Variants in BLM observed in about 807,000 individuals in gnomAD.
BLM encodes the protein BLM RecQ like helicase, also known as recQ-like DNA helicase BLM.
In BLM, 95 loss-of-function variants were observed where a neutral mutation model predicts 135.3. The ratio of observed to expected loss-of-function variants is 0.70; its 90% CI spans 0.59 to 0.83. The LOEUF (loss-of-function observed/expected upper bound fraction) is 0.83, where lower values mean the gene tolerates loss of function less well. Among genes scored for constraint, BLM ranks in the 40% least tolerant of loss-of-function variants. The pLI, the probability that BLM is intolerant of heterozygous loss-of-function variation, is 0.00. For synonymous variants in BLM, 520 were observed against 589.2 expected (o/e 0.88, Z 1.70); for missense variants, 1,518 against 1,663.9 (o/e 0.91, Z 1.53).
chr15:90,769,410 GA>G (rs1896233793), intron 11 of BLM, 27 bp from the exon 12 acceptor site: 1 of 1,613,638 alleles, frequency 6.2e-7, no homozygotes, highest in South Asian at 1.1e-5. Context: ...CAAGTAGTCT[GA>G]AAAGCAGTAT....
At chr15:90,764,180 C>G (rs2518968) in intron 8 of BLM, among the ~76,000 whole-genome samples, 77,671 of 149,464 alleles carry the variant, frequency 0.52, 20,467 homozygotes, top group Non-Finnish European at 0.55. Context: ...GGTTTCAAGA[C>G]GGCATTTTTA....
At chr15:90,739,376 G>A (rs111315049) in intron 1 of BLM, among the ~76,000 whole-genome samples, 1 of 152,078 alleles carries the variant, frequency 6.6e-6, no homozygotes, top group Admixed American at 6.6e-5. Context: ...ACCCCAGCCT[G>A]GGCAACAGAG....
In BLM at chr15:90,734,093, C is replaced by A. The variant is rs192734290; in HGVS notation, c.-4-13296C>A. On this transcript the variant is annotated intron_variant, in intron 1 of 21. Coordinates refer to ENST00000355112, the MANE Select transcript of BLM (RefSeq NM_000057.4). ...CAGAATCCAGCACTCTATTACAAAA[C>A]TATTAGCTCATCACCAAGATGTATA... 9.0e-4 allele frequency among the ~76,000 whole-genome samples: 137 copies of A among 152,138 alleles called. 2 individuals carry two copies. Among genetic ancestry groups the A allele is most frequent in the African/African-American group, 3.0e-3 (123 of 41,492 alleles).
At chr15:90,802,140 C>A (rs899109417) in intron 17 of BLM, among the ~76,000 whole-genome samples, 1 of 152,162 alleles carries the variant, frequency 6.6e-6, no homozygotes, top group Admixed American at 6.5e-5. Context: ...CTATCATTAG[C>A]AGAACGGTAG....
In BLM at chr15:90,747,857, G is replaced by C. The variant is rs28384978; in HGVS notation, c.98+367G>C. ...GAGTCTCGCTCTGTCGCACAGGCTG[G>C]AGTGCAGTGGCGCGATCTTGGCTCA... On this transcript the variant is annotated intron_variant, in intron 2 of 21. Transcript: ENST00000355112. Among the ~76,000 whole-genome samples, 428 of 152,322 alleles carry C rather than the reference G, an allele frequency of 2.8e-3. 10 individuals carry two copies. The East Asian group carries it at 0.041, about 15-fold the overall frequency.
At chr15:90,781,763 C>T (rs980839662) in intron 12 of BLM, among the ~76,000 whole-genome samples, 1 of 152,122 alleles carries the variant, frequency 6.6e-6, no homozygotes, top group Non-Finnish European at 1.5e-5. Flanking sequence ...GCATGTGGCC[C>T]GTGGGCTGCG....
intron 9 of BLM, 114 bp downstream of exon 9, chr15:90,765,528 T>A: frequency 1.2e-6 from 1 of 864,670 alleles, no homozygotes; most frequent in Non-Finnish European, 1.8e-6. Context: ...GCACAGCAGT[T>A]AAATTTGCAG....
chr15:90,722,391 G>T (rs1250481193), intron 1 of BLM, among the ~76,000 whole-genome samples: 1 of 152,120 alleles, frequency 6.6e-6, no homozygotes, highest in Non-Finnish European at 1.5e-5. Context: ...TTACAGGCAT[G>T]AGCCGCCGTG....
chr15:90,801,521 A>G (rs1397662835), intron 17 of BLM, among the ~76,000 whole-genome samples: 3 of 152,180 alleles, frequency 2.0e-5, no homozygotes, highest in Non-Finnish European at 2.9e-5. Flanking sequence ...ACAGTATCAT[A>G]TAACTAGCAA....
chr15:90,778,935 G>A (rs1896549763), intron 12 of BLM, among the ~76,000 whole-genome samples: 1 of 146,134 alleles, frequency 6.8e-6, no homozygotes, highest in Non-Finnish European at 1.5e-5. Context: ...GCCCAGGCTG[G>A]AGTGCAGTGG....
chr15:90,767,391 C>G (rs998716455), intron 10 of BLM, among the ~76,000 whole-genome samples: 10 of 152,134 alleles, frequency 6.6e-5, no homozygotes, highest in Non-Finnish European at 1.5e-4. Flanking sequence ...CTAGTTGTCC[C>G]AATAATGTCC....
intron 1 of BLM, among the ~76,000 whole-genome samples, chr15:90,734,433 G>A (rs374550588): frequency 7.3e-5 from 11 of 151,678 alleles, no homozygotes; most frequent in East Asian, 5.8e-4. Context: ...GATTACAGGC[G>A]CCCACCACCA....
intron 1 of BLM, among the ~76,000 whole-genome samples, chr15:90,732,409 G>T (rs1414600051): frequency 1.3e-5 from 2 of 151,648 alleles, no homozygotes. Flanking sequence ...TCATAAAGTA[G>T]AAATATTATA....
chr15:90,724,059 C>A (rs1253157252), intron 1 of BLM, among the ~76,000 whole-genome samples: 1 of 151,998 alleles, frequency 6.6e-6, no homozygotes, highest in Non-Finnish European at 1.5e-5. Flanking sequence ...GCTATCCAGG[C>A]TGGAGTGCAG....
intron 19 of BLM, 136 bp downstream of exon 19, chr15:90,804,495 G>A (rs1596268435): frequency 6.1e-6 from 6 of 976,662 alleles, no homozygotes; most frequent in Non-Finnish European, 7.9e-6. Context: ...ACGGGGTCTC[G>A]CTGTGTCACC....
At chr15:90,763,308 T>G (rs1567042381) in intron 8 of BLM, 151 bp downstream of exon 8, 1 of 811,694 alleles carries the variant, frequency 1.2e-6, no homozygotes, top group Non-Finnish European at 2.0e-6. Flanking sequence ...GCATATTACT[T>G]TATATCCTTT....
intron 14 of BLM, among the ~76,000 whole-genome samples, chr15:90,789,999 T>TG (rs1567056158): frequency 6.3e-4 from 60 of 95,714 alleles, no homozygotes; most frequent in African/African-American, 3.3e-3. Flanking sequence ...TTTTTTTTTT[T>TG]TTTTTTTTTT....
intron 19 of BLM, among the ~76,000 whole-genome samples, chr15:90,807,607 CA>C (rs1284637605): frequency 1.3e-5 from 2 of 152,194 alleles, no homozygotes; most frequent in East Asian, 3.9e-4. Context: ...CACTGTTACC[CA>C]GACTGGTCTC....
Position 90,803,574 on chromosome 15 carries a change from T to A in BLM, c.3412T>A (p.Ser1138Thr). The A allele has an allele frequency of 6.2e-7, 1 of 1,613,992 alleles. No homozygotes were observed. The highest frequency in any genetic ancestry group is 2.2e-5 in the East Asian group (1 of 44,870). The change falls in exon 18 of 22, where the codon TCA becomes ACA. Residue 1138 changes from serine to threonine, a missense_variant. Ser to Thr is a moderately conservative substitution (Grantham distance 58). Coordinates refer to ENST00000355112, the MANE Select transcript of BLM (RefSeq NM_000057.4). ...TATATTTGGAAAAGGATCTGCTTAT[T>A]CACGACACAATGCCGAAAGACTTTT... is the stretch of plus-strand genomic sequence containing the variant. ...SGIFGKGSAY[S>T]RHNAERLFKK...
Sources: gnomAD v4.1 joint callset for allele counts (sites outside exome capture counted in the v4.1 genomes callset) on GRCh38, gnomAD v4.1.1 for gene constraint, MANE v1.5 for transcripts, NCBI Gene and HGNC (gene_info 2026-07-23, HGNC 2026-07-21) for gene names.